SAMM50: variants seen among roughly 807,000 people sequenced by gnomAD.
The protein encoded by SAMM50 is SAMM50 sorting and assembly machinery component, also known as sorting and assembly machinery component 50 homolog.
Under a neutral mutation model 66.9 loss-of-function variants are expected in SAMM50, and 47 were observed. That is an observed-to-expected ratio of 0.70 (90% confidence interval 0.56 to 0.90). SAMM50 has a LOEUF of 0.90. Ranked by LOEUF, SAMM50 falls within the 40% of genes least tolerant of loss-of-function variation. The probability of loss-of-function intolerance (pLI) is 0.00; values close to 1 mark genes in which losing one functional copy is unlikely to be tolerated. For missense variants in SAMM50, 535 were observed against 595.3 expected, an observed-to-expected ratio of 0.90 and a Z score of 1.05; for synonymous variants, 191 against 214.1, an observed-to-expected ratio of 0.89 and a Z score of 0.94.
At chr22:43,981,944 GTTTAT>G (rs1463387479) in intron 11 of SAMM50, among the ~76,000 whole-genome samples, 1 of 152,060 alleles carries the variant, frequency 6.6e-6, no homozygotes, top group African/African-American at 2.4e-5. Context: ...ATAACTTGTT[GTTTAT>G]TTTATTTTCT....
At chr22:43,993,006 C>T (rs2050333391) in intron 14 of SAMM50, among the ~76,000 whole-genome samples, 1 of 152,286 alleles carries the variant, frequency 6.6e-6, no homozygotes, top group Non-Finnish European at 1.5e-5. Flanking sequence ...GCAGACCAGG[C>T]TGGTTTTGCA....
chr22:43,959,960 C>A (rs1323285430), intron 1 of SAMM50, among the ~76,000 whole-genome samples: 2 of 152,154 alleles, frequency 1.3e-5, no homozygotes, highest in African/African-American at 4.8e-5. Context: ...AACTGTGAAA[C>A]TTCAATGGTG....
Position 43,996,282 on chromosome 22 carries a change from G to T in SAMM50, c.1365-56G>T, listed in dbSNP as rs2050353995. On this transcript the variant is annotated intron_variant, in intron 14 of 14. Transcript: ENST00000350028. Reference sequence around the variant, plus strand: ...GAGAGGCGCATGCTCAGTGAGTCGTGAAGATGGCAGGGCTGGCGGAGCGGC... The same window carrying T: ...GAGAGGCGCATGCTCAGTGAGTCGTTAAGATGGCAGGGCTGGCGGAGCGGC... 3.8e-6 allele frequency: 6 copies of T among 1,590,382 alleles called. No individual in the cohort carries two copies. The Admixed American group carries it at 1.0e-4, about 27-fold the overall frequency.
rs139158349 is a variant in SAMM50 at position 43,964,300 on chromosome 22, G to A, written c.133-152G>A. On this transcript the variant is annotated intron_variant, in intron 2 of 14. Transcript: ENST00000350028. ...ACAGTGACTGGTTTTTTGAAAAAAT[G>A]TGAAAGATAGTAAAGTCCAGAGGTA... The A allele has an allele frequency of 2.4e-4, 120 of 502,666 alleles. 1 individual carries two copies. The highest frequency in any genetic ancestry group is 2.0e-3 in the African/African-American group (103 of 50,610). 31.1% of individuals were successfully genotyped at this position (502,666 alleles called of 1,614,324 possible).
Position 43,996,446 on chromosome 22 carries a change from C to A in SAMM50, c.*63C>A. 2 of 1,491,006 alleles carry A rather than the reference C, an allele frequency of 1.3e-6. No individual in the cohort carries two copies. The highest frequency in any genetic ancestry group is 1.9e-6 in the Non-Finnish European group (2 of 1,067,830). 92.4% of individuals were successfully genotyped at this position (1,491,006 alleles called of 1,614,324 possible). On this transcript the variant is annotated 3_prime_UTR_variant, in exon 15 of 15. Transcript: ENST00000350028. Reference sequence around the variant, plus strand: ...GCAGCAAGGCGCCCATGCCACACACCGTCTCTCGAGGAAACGCGGTTCAGC... The same window carrying A: ...GCAGCAAGGCGCCCATGCCACACACAGTCTCTCGAGGAAACGCGGTTCAGC...
In SAMM50 at chr22:43,977,887, A is replaced by C. The variant is rs200554343; in HGVS notation, c.865A>C (p.Thr289Pro). 4.3e-6 allele frequency: 7 copies of C among 1,611,662 alleles called. No homozygotes were observed. In the Admixed American group the frequency reaches 1.0e-4, roughly 23 times the overall value. ...LKVNQELAGYTGGDVSFIKED... is the reference protein window; with the variant it reads ...LKVNQELAGYPGGDVSFIKED... Reference sequence around the variant, plus strand: ...TTCCCTGCAGGAACTGGCAGGCTACACTGGCGGGGATGTGAGCTTCATCAA... The same window carrying C: ...TTCCCTGCAGGAACTGGCAGGCTACCCTGGCGGGGATGTGAGCTTCATCAA... Residue 289 changes from threonine (T) to proline (P), a missense_variant, in exon 10 of 15, where the codon ACT becomes CCT. By Grantham distance (38) the Thr-to-Pro change is conservative. Transcript: ENST00000350028.
rs146627813 is a variant in SAMM50 at position 43,996,349 on chromosome 22, G to A, written c.1376G>A (p.Gly459Asp). Reference protein sequence around the residue: ...GVQTGDRICDGVQFGAGIRFL With the variant: ...GVQTGDRICDDVQFGAGIRFL ...TCCCCTTTTTTTAGGATATGTGATG[G>A]CGTCCAGTTTGGAGCTGGGATAAGG... Residue 459 changes from glycine (G) to aspartate (D), a missense_variant, in exon 15 of 15, where the codon GGC (glycine) becomes GAC (aspartate). Gly to Asp is a moderately conservative substitution (Grantham distance 94). Transcript: ENST00000350028. 19 of 1,614,170 alleles carry A rather than the reference G, an allele frequency of 1.2e-5. No homozygotes were observed. The highest frequency in any genetic ancestry group is 6.7e-5 in the Admixed American group (4 of 60,026).
Position 43,976,190 on chromosome 22 carries a change from G to C in SAMM50, c.777+7G>C. 3 of 1,596,098 alleles carry C rather than the reference G, an allele frequency of 1.9e-6. No homozygotes were observed. The highest frequency in any genetic ancestry group is 2.6e-6 in the Non-Finnish European group (3 of 1,165,434). ...ACTGAAATCATCTCTTTCGGTAACG[G>C]TTTCTCTTAGTTGGAGTAAATAATT... On this transcript the variant is annotated splice_region_variant and intron_variant, in intron 8 of 14. Coordinates refer to ENST00000350028, the MANE Select transcript of SAMM50 (RefSeq NM_015380.5).
At chr22:43,963,811 TGA>T (rs1344368615) in intron 2 of SAMM50, among the ~76,000 whole-genome samples, 1 of 152,208 alleles carries the variant, frequency 6.6e-6, no homozygotes, top group African/African-American at 2.4e-5. Flanking sequence ...CTAGCGAGAC[TGA>T]GAGGTGAGGG....
At position 43,996,359 on chromosome 22, in the gene SAMM50, T is replaced by C. The variant is rs1294053329; in HGVS notation, c.1386T>C (p.Phe462=). ...TTAGGATATGTGATGGCGTCCAGTT[T>C]GGAGCTGGGATAAGGTTCCTGTAGC... ...TGDRICDGVQ[F]GAGIRFL Residue 462 remains phenylalanine (F), a synonymous_variant, in exon 15 of 15, where the codon TTT becomes TTC. Coordinates refer to ENST00000350028, the MANE Select transcript of SAMM50 (RefSeq NM_015380.5). 8.7e-6 allele frequency: 14 copies of C among 1,614,138 alleles called. No homozygotes were observed. The highest frequency in any genetic ancestry group is 1.2e-5 in the Non-Finnish European group (14 of 1,179,994).
At position 43,955,571 on chromosome 22, in the gene SAMM50, G is replaced by A; in HGVS notation, c.-7G>A. The A allele has an allele frequency of 1.2e-6, 2 of 1,600,828 alleles. No individual in the cohort carries two copies. Among genetic ancestry groups the A allele is most frequent in the Non-Finnish European group, 1.7e-6 (2 of 1,174,882 alleles). On this transcript the variant is annotated 5_prime_UTR_variant, in exon 1 of 15. Coordinates refer to ENST00000350028, the MANE Select transcript of SAMM50 (RefSeq NM_015380.5). Reference sequence around the variant, plus strand: ...AGCTCTGCGAGGCAGCGGCTGGAGAGGGAACCATGGGGACTGTGCACGCCC... The same window carrying A: ...AGCTCTGCGAGGCAGCGGCTGGAGAAGGAACCATGGGGACTGTGCACGCCC...
intron 1 of SAMM50, among the ~76,000 whole-genome samples, chr22:43,960,035 C>G (rs1247516751): frequency 6.6e-6 from 1 of 152,038 alleles, no homozygotes; most frequent in Non-Finnish European, 1.5e-5. Context: ...CTTTGGTGAA[C>G]CTTGTTTCAT....
intron 14 of SAMM50, among the ~76,000 whole-genome samples, chr22:43,992,611 G>A (rs1025233030): frequency 8.5e-5 from 13 of 152,244 alleles, no homozygotes; most frequent in Non-Finnish European, 1.5e-4. Flanking sequence ...TGTGTGGCCC[G>A]GGGTGAGTCA....
chr22:43,991,152 A>C (rs1008679922), intron 14 of SAMM50, among the ~76,000 whole-genome samples: 1 of 151,354 alleles, frequency 6.6e-6, no homozygotes, highest in African/African-American at 2.4e-5. Context: ...AATTTTTTGT[A>C]TATTTAGTAG....
rs1175851018 is a variant in SAMM50 at position 43,968,087 on chromosome 22, C to T, written c.235-644C>T. Among the ~76,000 whole-genome samples, 3 of 151,554 alleles carry T rather than the reference C, an allele frequency of 2.0e-5. No homozygotes were observed. The East Asian group carries it at 5.8e-4, about 29-fold the overall frequency. On this transcript the variant is annotated intron_variant, in intron 3 of 14. Transcript: ENST00000350028. Reference sequence around the variant, plus strand: ...ACATACAAAAAAAAAATTCGCTTGGCGTGGTGGTCTGTGCCTGCAATCCCA... The same window carrying T: ...ACATACAAAAAAAAAATTCGCTTGGTGTGGTGGTCTGTGCCTGCAATCCCA...
chr22:43,960,008 G>A (rs1196805939), intron 1 of SAMM50, among the ~76,000 whole-genome samples: 7 of 152,198 alleles, frequency 4.6e-5, no homozygotes, highest in Non-Finnish European at 1.0e-4. Context: ...TAAAGAATAC[G>A]GATGGACCTG....
intron 12 of SAMM50, among the ~76,000 whole-genome samples, chr22:43,984,237 A>G (rs2050279896): frequency 6.6e-6 from 1 of 152,354 alleles, no homozygotes; most frequent in Non-Finnish European, 1.5e-5. Flanking sequence ...AGTCCTACCC[A>G]GAGAGAACAT....
At chr22:43,957,610 A>T (rs1005568752) in intron 1 of SAMM50, among the ~76,000 whole-genome samples, 1 of 152,070 alleles carries the variant, frequency 6.6e-6, no homozygotes, top group Non-Finnish European at 1.5e-5. Flanking sequence ...TTTAGTAGAG[A>T]CGGGGGTTTC....
chr22:43,968,727 A>G lies in SAMM50; in HGVS notation c.235-4A>G. 6.3e-7 allele frequency: 1 copy of G among 1,599,074 alleles called. No homozygotes were observed. The highest frequency in any genetic ancestry group is 8.6e-7 in the Non-Finnish European group (1 of 1,166,634). ...TTCCTTGTTTTTCTTCCCCCATTTTATAGGTAATGCGGAAATCTCATGAAG... is the reference window on the plus strand; with the variant it reads ...TTCCTTGTTTTTCTTCCCCCATTTTGTAGGTAATGCGGAAATCTCATGAAG... On this transcript the variant is annotated splice_polypyrimidine_tract_variant and splice_region_variant and intron_variant, in intron 3 of 14. Coordinates refer to ENST00000350028, the MANE Select transcript of SAMM50 (RefSeq NM_015380.5).
Sources: allele counts gnomAD v4.1 joint callset (sites outside exome capture counted in the v4.1 genomes callset), GRCh38; gene constraint gnomAD v4.1.1; transcripts MANE v1.5; gene names NCBI Gene and HGNC (gene_info 2026-07-23, HGNC 2026-07-21).